FAT4: variants seen among roughly 807,000 people sequenced by gnomAD.
FAT4 encodes FAT atypical cadherin 4.
A neutral mutation model predicts 303.9 loss-of-function variants in FAT4; 84 were observed. That is an observed-to-expected ratio of 0.28 (90% CI 0.23 to 0.33). FAT4 has a LOEUF of 0.33. FAT4 is among the 10% of genes least tolerant of loss of function. FAT4 has a pLI of 1.00. For synonymous variants in FAT4, 2,307 were observed against 2,298.8 expected (o/e 1.00, Z -0.10); for missense variants, 6,005 against 6,146.8 (o/e 0.98, Z 0.77).
Position 125,451,862 on chromosome 4 carries a change from A to G in FAT4, c.10852A>G (p.Thr3618Ala), listed in dbSNP as rs1726090881. 6 of 1,614,050 alleles carry G rather than the reference A, an allele frequency of 3.7e-6. No individual in the cohort carries two copies. Among genetic ancestry groups the G allele is most frequent in the Middle Eastern group, 3.3e-4 (2 of 6,062 alleles). The change falls in exon 10 of 18, where the codon ACG becomes GCG. Residue 3618 changes from threonine to alanine, a missense_variant. By Grantham distance (58) the Thr-to-Ala change is moderately conservative. Transcript: ENST00000394329. ...AAATGACAATCCTTCACAGTCTCGGACGGTGGAGATATTTGTTAATTATTA... is the reference window on the plus strand; with the variant it reads ...AAATGACAATCCTTCACAGTCTCGGGCGGTGGAGATATTTGTTAATTATTA... ...DQNDNPSQSR[T>A]VEIFVNYYGN... is the part of the protein sequence containing the mutation.
At chr4:125,453,872 G>T (rs1726186392) in intron 10 of FAT4, among the ~76,000 whole-genome samples, 1 of 152,154 alleles carries the variant, frequency 6.6e-6, no homozygotes, top group Non-Finnish European at 1.5e-5. Flanking sequence ...TGGCACCCTA[G>T]TGGGATATGA....
chr4:125,347,861 A>T (rs1732064664), intron 2 of FAT4, among the ~76,000 whole-genome samples: 1 of 151,828 alleles, frequency 6.6e-6, no homozygotes, highest in Non-Finnish European at 1.5e-5. Flanking sequence ...ATATATTACT[A>T]ATTCACTTAG....
chr4:125,319,638 C>T lies in FAT4; in HGVS notation c.3227C>T (p.Ala1076Val). 2 of 1,613,876 alleles carry T rather than the reference C, an allele frequency of 1.2e-6. No homozygotes were observed. Among genetic ancestry groups the T allele is most frequent in the Non-Finnish European group, 1.7e-6 (2 of 1,179,792 alleles). Residue 1076 changes from alanine to valine, a missense_variant, in exon 2 of 18, where the codon GCA becomes GTA. By Grantham distance (64) the Ala-to-Val change is moderately conservative. Transcript: ENST00000394329. ...YVLMVVASDR[A>V]VEPLSATVNV... ...TTAATGGTTGTTGCTTCTGACAGAG[C>T]AGTGGAACCCCTTAGTGCTACTGTG...
chr4:125,330,682 T>C (rs1039488108), intron 2 of FAT4, among the ~76,000 whole-genome samples: 2 of 152,326 alleles, frequency 1.3e-5, no homozygotes, highest in Admixed American at 1.3e-4. Context: ...AGACACAATA[T>C]AAGTTTCTGT....
chr4:125,319,475 G>A lies in FAT4; in HGVS notation c.3064G>A (p.Asp1022Asn). 6.2e-7 allele frequency: 1 copy of A among 1,613,876 alleles called. No homozygotes were observed. The highest frequency in any genetic ancestry group is 8.5e-7 in the Non-Finnish European group (1 of 1,179,774). Residue 1022 changes from aspartate to asparagine, a missense_variant, in exon 2 of 18, where the codon GAT (aspartate) becomes AAT (asparagine). Physicochemically the swap from Asp to Asn is conservative, Grantham distance 23. Transcript: ENST00000394329. ...TCGATTCTTTAAAGTACAAGCTTCT[G>A]ATAAGGATTCAGGAGCAAATGGTGA... The part of the protein sequence containing the change: ...NSRFFKVQAS[D>N]KDSGANGEIA...
intron 5 of FAT4, among the ~76,000 whole-genome samples, chr4:125,410,485 T>A (rs1250550085): frequency 6.6e-6 from 1 of 152,178 alleles, no homozygotes; most frequent in Non-Finnish European, 1.5e-5. Flanking sequence ...TAACTTTTAG[T>A]TAGTCTACCT....
chr4:125,445,342 TC>T (rs1725791242), intron 8 of FAT4, among the ~76,000 whole-genome samples: 1 of 152,130 alleles, frequency 6.6e-6, no homozygotes, highest in African/African-American at 2.4e-5. Flanking sequence ...TATAGTTTTT[TC>T]CCCTGCAGTT....
chr4:125,338,623 T>G (rs1731661171), intron 2 of FAT4, among the ~76,000 whole-genome samples: 1 of 152,150 alleles, frequency 6.6e-6, no homozygotes, highest in Non-Finnish European at 1.5e-5. Context: ...AAACATCACA[T>G]AAACTATTAT....
At chr4:125,375,806 A>G (rs1733292939) in intron 2 of FAT4, among the ~76,000 whole-genome samples, 1 of 152,168 alleles carries the variant, frequency 6.6e-6, no homozygotes, top group African/African-American at 2.4e-5. Context: ...CTTTTATTTT[A>G]TGTCATTACT....
chr4:125,316,981 C>G lies in FAT4; in HGVS notation c.570C>G (p.Thr190=). ...NEAGRFRLDI[T]LNPSGEGAFL... is the part of the protein sequence containing the mutation. Reference sequence around the variant, plus strand: ...CGGGGCGCTTCCGTCTGGACATCACCCTGAACCCGAGCGGCGAGGGAGCGT... The same window carrying G: ...CGGGGCGCTTCCGTCTGGACATCACGCTGAACCCGAGCGGCGAGGGAGCGT... Residue 190 remains threonine (T), a synonymous_variant, in exon 2 of 18, where the codon ACC becomes ACG. Coordinates refer to ENST00000394329, the MANE Select transcript of FAT4 (RefSeq NM_001291303.3). This position sits in a 1 kb window ranked among gnomAD's most constrained non-coding sequence, Gnocchi z 5.7. The G allele has an allele frequency of 6.2e-7, 1 of 1,614,018 alleles. No individual in the cohort carries two copies. The highest frequency in any genetic ancestry group is 1.3e-5 in the African/African-American group (1 of 75,058).
intron 16 of FAT4, among the ~76,000 whole-genome samples, chr4:125,484,316 T>A (rs1160573725): frequency 6.6e-6 from 1 of 152,110 alleles, no homozygotes; most frequent in Non-Finnish European, 1.5e-5. Flanking sequence ...AAAGCATAAT[T>A]GTGTAAAACT....
chr4:125,382,535 C>CAAAT (rs1733580585), intron 2 of FAT4, among the ~76,000 whole-genome samples: 2 of 152,124 alleles, frequency 1.3e-5, no homozygotes, highest in Non-Finnish European at 2.9e-5. Context: ...TTGCTGTCAT[C>CAAAT]CAGGGTTTGT....
Position 125,380,184 on chromosome 4 carries a change from C to T in FAT4, c.5176-18600C>T, listed in dbSNP as rs116787438. Among the ~76,000 whole-genome samples the T allele has an allele frequency of 8.2e-3, 1,255 of 152,224 alleles. 16 individuals are homozygous for T. The highest frequency in any genetic ancestry group is 0.028 in the African/African-American group (1,176 of 41,536). ...CTGGGATTACAGGCGTGAGCCACCG[C>T]GCCTGGTGTTCACTCTTAGGGAATT... On this transcript the variant is annotated intron_variant, in intron 2 of 17. Transcript: ENST00000394329.
Position 125,452,144 on chromosome 4 carries a change from G to T in FAT4, c.11134G>T (p.Asp3712Tyr), listed in dbSNP as rs769490380. Reference protein sequence around the residue: ...FFAGFSNATVDNSILLRLGVP... With the variant: ...FFAGFSNATVYNSILLRLGVP... The stretch of plus-strand genomic sequence containing the variant: ...TGCTGGATTTTCCAATGCCACAGTG[G>T]ATAACAGCATCTTACTTCGTCTCGG... Residue 3712 changes from aspartate (D) to tyrosine (Y), a missense_variant, in exon 10 of 18, where the codon GAT becomes TAT. By Grantham distance (160) the Asp-to-Tyr change is radical (BLOSUM62 -3). Coordinates refer to ENST00000394329, the MANE Select transcript of FAT4 (RefSeq NM_001291303.3). 8.1e-6 allele frequency: 13 copies of T among 1,614,050 alleles called. No homozygotes were observed. In the East Asian group the frequency reaches 1.8e-4, roughly 22 times the overall value.
intron 15 of FAT4, among the ~76,000 whole-genome samples, chr4:125,480,756 A>G (rs977811293): frequency 1.3e-5 from 2 of 152,244 alleles, no homozygotes; most frequent in South Asian, 2.1e-4. Flanking sequence ...AATATTTATT[A>G]AGGAGCCTAA....
At chr4:125,379,370 T>C (rs1309392398) in intron 2 of FAT4, among the ~76,000 whole-genome samples, 1 of 151,980 alleles carries the variant, frequency 6.6e-6, no homozygotes, top group Admixed American at 6.6e-5. Flanking sequence ...TTATGAAAAT[T>C]GCTTGACTTG....
chr4:125,467,919 C>G (rs1336934770), intron 11 of FAT4, among the ~76,000 whole-genome samples: 16 of 152,248 alleles, frequency 1.1e-4, no homozygotes, highest in Admixed American at 1.0e-3. Context: ...AATCCCAACA[C>G]TTTGGGAGGC....
chr4:125,367,381 A>C (rs1211907567), intron 2 of FAT4, among the ~76,000 whole-genome samples: 1 of 152,146 alleles, frequency 6.6e-6, no homozygotes, highest in African/African-American at 2.4e-5. Context: ...AAGAACACAA[A>C]GGTTATAGAG....
At chr4:125,385,673 T>C (rs867355951) in intron 2 of FAT4, among the ~76,000 whole-genome samples, 12 of 152,118 alleles carry the variant, frequency 7.9e-5, no homozygotes, top group Non-Finnish European at 1.3e-4. Flanking sequence ...AGATGGTTAG[T>C]TGTAGTCAGT....
Sources: gnomAD v4.1 joint callset for allele counts (sites outside exome capture counted in the v4.1 genomes callset) on GRCh38, gnomAD v4.1.1 for gene constraint, Gnocchi (gnomAD v3.1) non-coding constraint, MANE v1.5 for transcripts, NCBI Gene and HGNC (gene_info 2026-07-23, HGNC 2026-07-21) for gene names.